Variants in CHRM3 observed in about 807,000 individuals in gnomAD.
CHRM3 encodes muscarinic acetylcholine receptor M3.
Under a neutral mutation model 41.8 loss-of-function variants are expected in CHRM3, and 11 were observed. The ratio of observed to expected loss-of-function variants is 0.26; its 90% confidence interval spans 0.17 to 0.44. The LOEUF (loss-of-function observed/expected upper bound fraction) is 0.44. CHRM3 is among the 20% of genes least tolerant of loss of function. The probability of loss-of-function intolerance (pLI) is 1.00; values close to 1 mark genes in which losing one functional copy is unlikely to be tolerated. For synonymous variants in CHRM3, 297 were observed against 301.4 expected (o/e 0.99, Z 0.15); for missense variants, 571 against 745.4 (o/e 0.77, Z 2.72).
intron 5 of CHRM3, among the ~76,000 whole-genome samples, chr1:239,709,965 A>G (rs1040993843): frequency 2.0e-5 from 3 of 152,224 alleles, no homozygotes; most frequent in African/African-American, 7.2e-5. Context: ...ATCATGAGAT[A>G]TTACTAAAGG....
chr1:239,638,518 G>C (rs1313187627), intron 4 of CHRM3, among the ~76,000 whole-genome samples: 3 of 152,216 alleles, frequency 2.0e-5, no homozygotes, highest in Non-Finnish European at 4.4e-5. Context: ...GGCCAGTGAT[G>C]ATGAGCATTT....
intron 3 of CHRM3, among the ~76,000 whole-genome samples, chr1:239,616,628 T>C (rs116373179): frequency 0.016 from 2,427 of 152,264 alleles, 31 homozygotes; most frequent in Non-Finnish European, 0.025. Context: ...ACCAGCAGTA[T>C]TATATTTCCT....
At position 239,469,495 on chromosome 1, in the gene CHRM3, T is replaced by C. The variant is rs1024825229; in HGVS notation, c.-520-23214T>C. Among the ~76,000 whole-genome samples the C allele has an allele frequency of 2.6e-5, 4 of 152,040 alleles. No individual in the cohort carries two copies. In the East Asian group the frequency reaches 5.8e-4, roughly 22 times the overall value. On this transcript the variant is annotated intron_variant, in intron 1 of 6. Transcript: ENST00000676153. ...TACCACATGAAAATCTTCAAGCTGGTAGTTAGTTGTGAGGGTTATGTTTTA... is the reference window on the plus strand; with the variant it reads ...TACCACATGAAAATCTTCAAGCTGGCAGTTAGTTGTGAGGGTTATGTTTTA...
chr1:239,423,967 A>G (rs1448857469), intron 1 of CHRM3, among the ~76,000 whole-genome samples: 1 of 150,206 alleles, frequency 6.7e-6, no homozygotes, highest in Non-Finnish European at 1.5e-5. Context: ...AGGCAGGAGA[A>G]TGGCGTGAAC....
chr1:239,647,660 G>C (rs901179457), intron 4 of CHRM3, among the ~76,000 whole-genome samples: 54 of 152,140 alleles, frequency 3.5e-4, no homozygotes, highest in African/African-American at 1.3e-3. Flanking sequence ...TCTCCAGCTG[G>C]ACAGCTCCAC....
chr1:239,608,084 A>G (rs1454792886), intron 3 of CHRM3, among the ~76,000 whole-genome samples: 1 of 152,226 alleles, frequency 6.6e-6, no homozygotes, highest in East Asian at 1.9e-4. Flanking sequence ...GGTTCTAACT[A>G]CCTTTATTTG....
At chr1:239,695,460 T>A (rs1660098475) in intron 5 of CHRM3, among the ~76,000 whole-genome samples, 1 of 152,214 alleles carries the variant, frequency 6.6e-6, no homozygotes, top group South Asian at 2.1e-4. Flanking sequence ...GGCACATTGA[T>A]ATTACTTGCA....
At chr1:239,831,058 A>G (rs1455209699) in intron 6 of CHRM3, among the ~76,000 whole-genome samples, 5 of 152,038 alleles carry the variant, frequency 3.3e-5, no homozygotes, top group Admixed American at 2.0e-4. Context: ...GTGCCATGTA[A>G]CATTTCGTTA....
At chr1:239,684,257 C>T (rs373089605) in intron 5 of CHRM3, among the ~76,000 whole-genome samples, 1 of 152,082 alleles carries the variant, frequency 6.6e-6, no homozygotes, top group Non-Finnish European at 1.5e-5. Context: ...TGGGTGAGTC[C>T]CCTAACAGGT....
chr1:239,475,590 AT>A (rs759537024), intron 1 of CHRM3, among the ~76,000 whole-genome samples: 13 of 152,168 alleles, frequency 8.5e-5, no homozygotes, highest in Non-Finnish European at 4.4e-5. Context: ...AGAAAAAGGC[AT>A]GAATTTAAAA....
At chr1:239,390,599 CTTTT>C (rs11316805) in intron 1 of CHRM3, among the ~76,000 whole-genome samples, 1 of 139,732 alleles carries the variant, frequency 7.2e-6, no homozygotes, top group African/African-American at 2.6e-5. Flanking sequence ...GCTTCCCTCA[CTTTT>C]TTTTTTTTTT....
At chr1:239,673,895 T>A (rs912617229) in intron 4 of CHRM3, among the ~76,000 whole-genome samples, 1 of 152,178 alleles carries the variant, frequency 6.6e-6, no homozygotes, top group South Asian at 2.1e-4. Context: ...TCAGCAACCC[T>A]AATCTAAAAC....
At chr1:239,823,750 A>G (rs907798662) in intron 5 of CHRM3, among the ~76,000 whole-genome samples, 1 of 152,102 alleles carries the variant, frequency 6.6e-6, no homozygotes, top group Non-Finnish European at 1.5e-5. Flanking sequence ...CGAACAACTC[A>G]ATAGAACAGA....
At chr1:239,401,338 C>G (rs947835782) in intron 1 of CHRM3, among the ~76,000 whole-genome samples, 4 of 152,184 alleles carry the variant, frequency 2.6e-5, no homozygotes, top group African/African-American at 9.6e-5. Flanking sequence ...CACACTGGCA[C>G]TCTCCACCCT....
chr1:239,405,149 C>T (rs1660495756), intron 1 of CHRM3, among the ~76,000 whole-genome samples: 1 of 152,018 alleles, frequency 6.6e-6, no homozygotes, highest in Admixed American at 6.6e-5. Context: ...AATACTTTTT[C>T]ATGAATTTAA....
intron 5 of CHRM3, among the ~76,000 whole-genome samples, chr1:239,816,668 C>T (rs938127063): frequency 2.6e-5 from 4 of 151,996 alleles, no homozygotes; most frequent in African/African-American, 7.3e-5. Flanking sequence ...CCTGACTAAG[C>T]CCTATTCTGC....
At chr1:239,404,528 CA>C (rs199548078) in intron 1 of CHRM3, among the ~76,000 whole-genome samples, 2 of 150,204 alleles carry the variant, frequency 1.3e-5, no homozygotes, top group East Asian at 3.9e-4. Flanking sequence ...CATGGATTGG[CA>C]AGGAGTACAT....
intron 2 of CHRM3, among the ~76,000 whole-genome samples, chr1:239,538,698 C>T (rs1658448070): frequency 6.6e-6 from 1 of 152,160 alleles, no homozygotes; most frequent in African/African-American, 2.4e-5. Flanking sequence ...TTCAGTACAA[C>T]TGGTCTTTAA....
At chr1:239,877,075 C>T (rs761003765) in intron 6 of CHRM3, among the ~76,000 whole-genome samples, 84 of 152,206 alleles carry the variant, frequency 5.5e-4, no homozygotes, top group Non-Finnish European at 7.8e-4. Flanking sequence ...AAAAATGCCC[C>T]ATCTCTCTCT....
Sources: gnomAD v4.1 joint callset for allele counts (sites outside exome capture counted in the v4.1 genomes callset) on GRCh38, gnomAD v4.1.1 for gene constraint, MANE v1.5 for transcripts, NCBI Gene and HGNC (gene_info 2026-07-23, HGNC 2026-07-21) for gene names.